Variants in SUGCT observed in about 807,000 individuals in gnomAD.
The protein encoded by SUGCT is succinyl-CoA:glutarate-CoA transferase, also known as succinyl-CoA:glutarate CoA-transferase.
A neutral mutation model predicts 55.0 loss-of-function variants in SUGCT; 41 were observed. That is an observed-to-expected ratio of 0.74 (90% CI 0.58 to 0.97). The LOEUF is 0.97. Among genes scored for constraint, SUGCT ranks in the 50% least tolerant of loss-of-function variants. The probability of loss-of-function intolerance (pLI) is 0.00; values close to 1 mark genes in which losing one functional copy is unlikely to be tolerated. For missense variants in SUGCT, 568 were observed against 547.8 expected, an observed-to-expected ratio of 1.04 and a Z score of -0.37; for synonymous variants, 187 against 200.4, an observed-to-expected ratio of 0.93 and a Z score of 0.56.
chr7:41,003,762 C>T, the SUGCT span, among the ~76,000 whole-genome samples: 1 of 152,196 alleles, frequency 6.6e-6, no homozygotes, highest in African/African-American at 2.4e-5. Flanking sequence ...CATCCGGAGA[C>T]AATCCCAGGT....
At chr7:40,974,357 A>C in the SUGCT span, among the ~76,000 whole-genome samples, 237 of 152,312 alleles carry the variant, frequency 1.6e-3, no homozygotes, top group African/African-American at 5.4e-3. Flanking sequence ...GATAAAGGTT[A>C]AATAAGGTCA....
chr7:40,779,479 G>A (rs143463200), intron 13 of SUGCT, among the ~76,000 whole-genome samples: 176 of 152,176 alleles, frequency 1.2e-3, no homozygotes, highest in African/African-American at 4.1e-3. Context: ...ATTTTGATGC[G>A]GGGTCAGCAC....
intron 6 of SUGCT, among the ~76,000 whole-genome samples, chr7:40,218,693 GCT>G (rs957659344): frequency 1.3e-5 from 2 of 151,996 alleles, no homozygotes; most frequent in East Asian, 1.9e-4. Flanking sequence ...ACCAATCAGC[GCT>G]CTGTGTCTAG....
At chr7:40,456,245 C>T (rs1562790565) in intron 10 of SUGCT, among the ~76,000 whole-genome samples, 1 of 152,044 alleles carries the variant, frequency 6.6e-6, no homozygotes, top group Non-Finnish European at 1.5e-5. Flanking sequence ...AGGTTGGTCT[C>T]CAACTCTTGA....
At chr7:40,321,403 GAC>G (rs1190291657) in intron 9 of SUGCT, among the ~76,000 whole-genome samples, 1 of 137,262 alleles carries the variant, frequency 7.3e-6, no homozygotes, top group African/African-American at 2.9e-5. Context: ...GTTTTATTTT[GAC>G]AGAGTCTTGC....
At chr7:40,399,862 T>A (rs1054919062) in intron 9 of SUGCT, among the ~76,000 whole-genome samples, 4 of 152,086 alleles carry the variant, frequency 2.6e-5, no homozygotes, top group Admixed American at 2.6e-4. Flanking sequence ...TAATGGTAGT[T>A]GTAGGGTTTT....
intron 12 of SUGCT, among the ~76,000 whole-genome samples, chr7:40,656,868 G>T (rs1446895648): frequency 6.6e-6 from 1 of 152,200 alleles, no homozygotes; most frequent in Non-Finnish European, 1.5e-5. Flanking sequence ...GGCTTTCTTG[G>T]CTTGGAGTCA....
intron 12 of SUGCT, among the ~76,000 whole-genome samples, chr7:40,639,483 A>G (rs189150396): frequency 6.6e-6 from 1 of 152,154 alleles, no homozygotes; most frequent in Admixed American, 6.5e-5. Context: ...TTTGCTTGTA[A>G]AAGAAAGGTA....
At chr7:40,443,680 C>T (rs930140975) in intron 9 of SUGCT, among the ~76,000 whole-genome samples, 19 of 152,134 alleles carry the variant, frequency 1.2e-4, no homozygotes, top group Admixed American at 3.9e-4. Context: ...GTTGCCTGTT[C>T]ACTCTGATGG....
intron 12 of SUGCT, among the ~76,000 whole-genome samples, chr7:40,551,810 G>C (rs1239580135): frequency 6.6e-6 from 1 of 152,220 alleles, no homozygotes; most frequent in Admixed American, 6.5e-5. Context: ...GACCAGTACA[G>C]GAAGCTGGTC....
intron 9 of SUGCT, among the ~76,000 whole-genome samples, chr7:40,380,020 C>T (rs1257359323): frequency 6.6e-6 from 1 of 152,124 alleles, no homozygotes; most frequent in East Asian, 1.9e-4. Flanking sequence ...TGGCAAATGC[C>T]CACAAAGAGA....
rs893806537 is a variant in SUGCT, at chr7:40,135,008, T to C, written c.-13T>C. The C allele has an allele frequency of 5.8e-6, 9 of 1,557,432 alleles. No individual in the cohort carries two copies. The Admixed American group carries it at 1.2e-4, about 20-fold the overall frequency. On this transcript the variant is annotated 5_prime_UTR_variant, in exon 1 of 14. Transcript: ENST00000335693. The stretch of plus-strand genomic sequence containing the variant: ...CGCTTGCACCGGGACCGATGCCATC[T>C]GAGACGCACGCGATGCTGGCGACGC...
chr7:40,420,161 T>C (rs1265835389), intron 9 of SUGCT, among the ~76,000 whole-genome samples: 1 of 151,998 alleles, frequency 6.6e-6, no homozygotes, highest in East Asian at 1.9e-4. Context: ...ATTTTTGAAG[T>C]GTGAGAATGA....
At chr7:40,733,428 A>G (rs1786999235) in intron 12 of SUGCT, among the ~76,000 whole-genome samples, 1 of 152,178 alleles carries the variant, frequency 6.6e-6, no homozygotes, top group Non-Finnish European at 1.5e-5. Context: ...ACATGCATCT[A>G]TCTGCCTGCA....
At chr7:40,912,131 T>C in the SUGCT span, among the ~76,000 whole-genome samples, 1 of 152,128 alleles carries the variant, frequency 6.6e-6, no homozygotes, top group Non-Finnish European at 1.5e-5. Context: ...GCTTTTTTTT[T>C]CTTGAAGAAC....
At chr7:40,630,910 G>A (rs930170634) in intron 12 of SUGCT, among the ~76,000 whole-genome samples, 4 of 151,966 alleles carry the variant, frequency 2.6e-5, no homozygotes, top group South Asian at 4.2e-4. Context: ...TGGGAGACTC[G>A]TTAATTTTGT....
the SUGCT span, among the ~76,000 whole-genome samples, chr7:40,900,828 T>C: frequency 6.6e-6 from 1 of 152,250 alleles, no homozygotes; most frequent in African/African-American, 2.4e-5. Context: ...ACATCATTTA[T>C]TTTTCATTTA....
At chr7:40,240,373 C>G (rs1019824832) in intron 7 of SUGCT, among the ~76,000 whole-genome samples, 1 of 152,060 alleles carries the variant, frequency 6.6e-6, no homozygotes, top group Non-Finnish European at 1.5e-5. Context: ...ATCCCAGCTA[C>G]TCTGGAGGCT....
intron 9 of SUGCT, among the ~76,000 whole-genome samples, chr7:40,389,304 C>T (rs558159233): frequency 1.2e-4 from 19 of 152,068 alleles, no homozygotes; most frequent in African/African-American, 4.6e-4. Context: ...CAAAAATGAG[C>T]TGGGCACGGT....
Sources: gnomAD v4.1 joint callset for allele counts (sites outside exome capture counted in the v4.1 genomes callset) on GRCh38, gnomAD v4.1.1 for gene constraint, MANE v1.5 for transcripts, NCBI Gene and HGNC (gene_info 2026-07-23, HGNC 2026-07-21) for gene names.